ATXN1: variants seen among roughly 807,000 people sequenced by gnomAD.
ATXN1 encodes the protein ataxin-1.
Under a neutral mutation model 56.4 loss-of-function variants are expected in ATXN1, and 8 were observed. The observed-to-expected ratio is 0.14, with a 90% CI of 0.08 to 0.26. The LOEUF is 0.26. Ranked by LOEUF, ATXN1 falls within the 10% of genes least tolerant of loss-of-function variation. The pLI is 1.00. For synonymous variants in ATXN1, 514 were observed against 494.6 expected (o/e 1.04, Z -0.52); for missense variants, 987 against 1,106.5 (o/e 0.89, Z 1.53).
chr6:16,726,307 G>A (rs1026329419), intron 2 of ATXN1, among the ~76,000 whole-genome samples: 7 of 151,736 alleles, frequency 4.6e-5, no homozygotes, highest in African/African-American at 1.7e-4. Flanking sequence ...TGGAACCCGG[G>A]GGAGCAGAGG....
At chr6:16,616,589 ATATAT>A (rs1424837692) in intron 3 of ATXN1, among the ~76,000 whole-genome samples, 3 of 145,480 alleles carry the variant, frequency 2.1e-5, no homozygotes, top group Non-Finnish European at 4.5e-5. Flanking sequence ...ATATTTTATA[ATATAT>A]TATATACTAT....
chr6:16,471,719 AAGAG>A lies in ATXN1; in HGVS notation c.-161+14249_-161+14252del, dbSNP rs140184778. On this transcript the variant is annotated intron_variant, in intron 6 of 7. Coordinates refer to ENST00000436367, the MANE Select transcript of ATXN1 (RefSeq NM_001128164.2). ...TGTGTGTGTGTGTGTGTGAGACAGA[AAGAG>A]AGAGAGTCTGTCATTGTAATATACA... 8.8e-4 allele frequency among the ~76,000 whole-genome samples: 115 copies of A among 131,208 alleles called. 3 individuals are homozygous for A. The East Asian group carries it at 0.023, about 27-fold the overall frequency. The allele number at this position is 131,208 out of a possible 152,430, so 86.1% of individuals were successfully genotyped here.
chr6:16,583,707 A>C (rs1033189217), intron 4 of ATXN1, among the ~76,000 whole-genome samples: 16 of 152,272 alleles, frequency 1.1e-4, no homozygotes, highest in Non-Finnish European at 1.9e-4. Context: ...GGTGATCCAG[A>C]CAGCCATGGT....
chr6:16,728,210 G>T (rs529149131), intron 2 of ATXN1, among the ~76,000 whole-genome samples: 5 of 152,220 alleles, frequency 3.3e-5, no homozygotes, highest in African/African-American at 4.8e-5. Flanking sequence ...TGACTGGGAC[G>T]CAAGACATCT....
At chr6:16,518,133 T>C (rs1289861117) in intron 5 of ATXN1, among the ~76,000 whole-genome samples, 2 of 151,628 alleles carry the variant, frequency 1.3e-5, no homozygotes, top group Non-Finnish European at 2.9e-5. Flanking sequence ...AAACAACAGG[T>C]AAGAAGGCTT....
intron 3 of ATXN1, among the ~76,000 whole-genome samples, chr6:16,590,700 C>A (rs9464922): frequency 0.082 from 12,435 of 151,548 alleles, 1,669 homozygotes; most frequent in African/African-American, 0.28. Flanking sequence ...GACAAGTTCT[C>A]ACTCTGTTTC....
chr6:16,539,438 C>T (rs566185612), intron 4 of ATXN1, among the ~76,000 whole-genome samples: 72 of 152,184 alleles, frequency 4.7e-4, no homozygotes, highest in Non-Finnish European at 8.8e-4. Flanking sequence ...GTATTATACA[C>T]GGTCATGGAA....
chr6:16,453,074 G>A (rs886438958), intron 6 of ATXN1, among the ~76,000 whole-genome samples: 2 of 152,148 alleles, frequency 1.3e-5, no homozygotes, highest in Non-Finnish European at 2.9e-5. Flanking sequence ...GATTTGGTGT[G>A]GAGGAAAAGT....
intron 7 of ATXN1, among the ~76,000 whole-genome samples, chr6:16,308,334 A>T (rs1470402317): frequency 7.2e-6 from 1 of 139,546 alleles, no homozygotes; most frequent in African/African-American, 2.8e-5. Flanking sequence ...ACACACACAC[A>T]CACACACACA....
At chr6:16,432,670 T>A (rs2113584045) in intron 6 of ATXN1, 1 of 152,278 alleles carries the variant, frequency 6.6e-6, no homozygotes, top group Non-Finnish European at 1.5e-5. Context: ...CCACAAAATT[T>A]GCTTAACCTA....
intron 2 of ATXN1, among the ~76,000 whole-genome samples, chr6:16,683,720 T>C (rs1758860589): frequency 6.6e-6 from 1 of 152,250 alleles, no homozygotes; most frequent in Non-Finnish European, 1.5e-5. Context: ...ACAAACATGC[T>C]TGGCAACTAG....
chr6:16,330,949 T>C (rs1017089010), intron 6 of ATXN1, among the ~76,000 whole-genome samples: 9 of 151,948 alleles, frequency 5.9e-5, no homozygotes, highest in African/African-American at 1.7e-4. Flanking sequence ...AAAACACTTA[T>C]GCTGAAGAAA....
chr6:16,517,494 G>T (rs915473312), intron 5 of ATXN1, among the ~76,000 whole-genome samples: 1 of 152,174 alleles, frequency 6.6e-6, no homozygotes, highest in Admixed American at 6.5e-5. Context: ...AAGCAGTACT[G>T]GGCATGTTGT....
intron 2 of ATXN1, among the ~76,000 whole-genome samples, chr6:16,667,798 C>T (rs560974790): frequency 2.0e-5 from 3 of 152,354 alleles, no homozygotes; most frequent in African/African-American, 7.2e-5. Context: ...TATTATTTCT[C>T]TCACCTCAGA....
At chr6:16,499,837 T>C (rs1204804503) in intron 5 of ATXN1, among the ~76,000 whole-genome samples, 1 of 152,100 alleles carries the variant, frequency 6.6e-6, no homozygotes, top group Non-Finnish European at 1.5e-5. Flanking sequence ...ATGCAAGGAG[T>C]GAAGACTTTT....
At chr6:16,455,915 C>A (rs756905526) in intron 6 of ATXN1, among the ~76,000 whole-genome samples, 2 of 152,052 alleles carry the variant, frequency 1.3e-5, no homozygotes, top group Non-Finnish European at 2.9e-5. Flanking sequence ...CCAATCAACG[C>A]TCTGTAAAAT....
chr6:16,620,394 T>C (rs1763298780), intron 3 of ATXN1, among the ~76,000 whole-genome samples: 1 of 152,112 alleles, frequency 6.6e-6, no homozygotes. Context: ...CGTTTAGTGA[T>C]GCTGTGCTGG....
chr6:16,692,371 G>A (rs2113420323), intron 2 of ATXN1, among the ~76,000 whole-genome samples: 1 of 152,218 alleles, frequency 6.6e-6, no homozygotes, highest in Non-Finnish European at 1.5e-5. Context: ...TTAACTATAT[G>A]GCAAGTAATC....
intron 4 of ATXN1, among the ~76,000 whole-genome samples, chr6:16,544,893 G>A (rs544226774): frequency 1.8e-4 from 28 of 152,166 alleles, no homozygotes; most frequent in Non-Finnish European, 2.9e-4. Context: ...GGAAGGAGGC[G>A]AGAAGATGAG....
Sources: allele counts gnomAD v4.1 joint callset (sites outside exome capture counted in the v4.1 genomes callset), GRCh38; gene constraint gnomAD v4.1.1; transcripts MANE v1.5; gene names NCBI Gene and HGNC (gene_info 2026-07-23, HGNC 2026-07-21).